The following PPARGC1A variants were observed in gnomAD, a reference collection of about 807,000 sequenced individuals.
The protein encoded by PPARGC1A is PPARG coactivator 1 alpha, also known as peroxisome proliferator-activated receptor gamma coactivator 1-alpha.
PPARGC1A carries 25 observed loss-of-function variants against 88.7 expected under a neutral mutation model. The observed-to-expected ratio is 0.28, with a 90% CI of 0.21 to 0.39. PPARGC1A has a LOEUF of 0.39. Among genes scored for constraint, PPARGC1A ranks in the 10% least tolerant of loss-of-function variants. The probability of loss-of-function intolerance (pLI) is 1.00; values close to 1 mark genes in which losing one functional copy is unlikely to be tolerated. For synonymous variants in PPARGC1A, 363 were observed against 355.6 expected, an observed-to-expected ratio of 1.02 and a Z score of -0.24; for missense variants, 880 against 968.7, an observed-to-expected ratio of 0.91 and a Z score of 1.22.
the PPARGC1A span, among the ~76,000 whole-genome samples, chr4:23,955,620 A>G: frequency 6.6e-6 from 1 of 152,104 alleles, no homozygotes; most frequent in Non-Finnish European, 1.5e-5. Context: ...AAGCAAAAAA[A>G]CTTGGGCTAT....
chr4:24,384,525 G>A, the PPARGC1A span, among the ~76,000 whole-genome samples: 36 of 146,506 alleles, frequency 2.5e-4, no homozygotes, highest in Non-Finnish European at 4.0e-4. Flanking sequence ...CAAAATAAAC[G>A]GATGGAGGAA....
chr4:23,947,351 T>TGAGA, the PPARGC1A span, among the ~76,000 whole-genome samples: 1 of 80,160 alleles, frequency 1.2e-5, no homozygotes, highest in Admixed American at 1.5e-4. Context: ...TGTTATATAG[T>TGAGA]GATATATATA....
the PPARGC1A span, among the ~76,000 whole-genome samples, chr4:24,070,257 T>C: frequency 1.3e-5 from 2 of 152,180 alleles, no homozygotes; most frequent in African/African-American, 4.8e-5. Context: ...AGTGGAGTCC[T>C]TCTGACATAT....
At chr4:24,087,944 C>T in the PPARGC1A span, among the ~76,000 whole-genome samples, 3 of 152,146 alleles carry the variant, frequency 2.0e-5, no homozygotes, top group African/African-American at 7.2e-5. Flanking sequence ...TTGCCCAACT[C>T]TTGACTTATT....
the PPARGC1A span, among the ~76,000 whole-genome samples, chr4:24,094,932 C>CTCTAAGT: frequency 6.6e-6 from 1 of 152,096 alleles, no homozygotes; most frequent in South Asian, 2.1e-4. Flanking sequence ...ATTTCAAGAA[C>CTCTAAGT]TCTAAGTCTT....
the PPARGC1A span, among the ~76,000 whole-genome samples, chr4:24,135,865 G>A: frequency 3.9e-5 from 6 of 152,142 alleles, no homozygotes; most frequent in African/African-American, 1.2e-4. Context: ...GCTTCTTCAT[G>A]CATCGCTATC....
chr4:24,190,365 A>T, the PPARGC1A span, among the ~76,000 whole-genome samples: 1 of 152,050 alleles, frequency 6.6e-6, no homozygotes, highest in Non-Finnish European at 1.5e-5. Context: ...AATACAAAAA[A>T]TTAGCCAGGC....
upstream of PPARGC1A, among the ~76,000 whole-genome samples, chr4:23,894,998 T>C (rs1718358243): frequency 6.6e-6 from 1 of 152,052 alleles, no homozygotes; most frequent in African/African-American, 2.4e-5. Flanking sequence ...GAACAAGGCA[T>C]ATTACATATT....
the PPARGC1A span, among the ~76,000 whole-genome samples, chr4:24,311,095 T>C: frequency 9.4e-6 from 1 of 105,976 alleles, no homozygotes; most frequent in Non-Finnish European, 1.9e-5. Flanking sequence ...TCTTTTTTTT[T>C]TTTTTTTTTT....
intron 2 of PPARGC1A, among the ~76,000 whole-genome samples, chr4:23,849,646 AGAACC>A (rs1560440022): frequency 1.3e-5 from 2 of 152,216 alleles, no homozygotes; most frequent in African/African-American, 4.8e-5. Context: ...TAGAGAGAAT[AGAACC>A]TTTAGTAAAT....
At chr4:24,358,869 T>A in the PPARGC1A span, among the ~76,000 whole-genome samples, 2 of 152,224 alleles carry the variant, frequency 1.3e-5, no homozygotes, top group Non-Finnish European at 2.9e-5. Flanking sequence ...AGGTAGGTTG[T>A]GTGAAGAAGC....
At chr4:24,369,480 A>G in the PPARGC1A span, among the ~76,000 whole-genome samples, 3 of 152,272 alleles carry the variant, frequency 2.0e-5, no homozygotes, top group Admixed American at 6.5e-5. Context: ...TCCAATCACT[A>G]TCTCATTTGT....
At chr4:23,920,883 C>T in the PPARGC1A span, among the ~76,000 whole-genome samples, 375 of 152,276 alleles carry the variant, frequency 2.5e-3, 1 homozygote, top group African/African-American at 8.3e-3. Context: ...AGTTCAGCCA[C>T]GGGGAGCCTG....
the PPARGC1A span, among the ~76,000 whole-genome samples, chr4:24,281,215 G>A: frequency 9.9e-5 from 15 of 152,154 alleles, no homozygotes; most frequent in East Asian, 1.9e-4. Context: ...ACAGCTACCC[G>A]TCTTAGTCTG....
chr4:24,124,845 G>C, the PPARGC1A span, among the ~76,000 whole-genome samples: 1 of 152,084 alleles, frequency 6.6e-6, no homozygotes, highest in Non-Finnish European at 1.5e-5. Flanking sequence ...TTTTATTCTT[G>C]TTTTGTATTC....
the PPARGC1A span, among the ~76,000 whole-genome samples, chr4:23,923,116 GTTTT>G: frequency 3.0e-5 from 4 of 131,686 alleles, no homozygotes; most frequent in African/African-American, 5.7e-5. Flanking sequence ...TTTGTTGCTT[GTTTT>G]TTTTTTTTTT....
the PPARGC1A span, among the ~76,000 whole-genome samples, chr4:24,399,414 T>C: frequency 2.0e-5 from 3 of 152,212 alleles, no homozygotes; most frequent in African/African-American, 7.2e-5. Flanking sequence ...TGGGAGAAAT[T>C]TCACCTATTA....
chr4:24,041,892 G>T, the PPARGC1A span, among the ~76,000 whole-genome samples: 1 of 150,890 alleles, frequency 6.6e-6, no homozygotes, highest in Non-Finnish European at 1.5e-5. Context: ...GAGATATGAG[G>T]TTATCAGAAG....
At chr4:24,197,330 T>G in the PPARGC1A span, among the ~76,000 whole-genome samples, 1 of 152,348 alleles carries the variant, frequency 6.6e-6, no homozygotes, top group Admixed American at 6.5e-5. Context: ...TTTCCAGCTA[T>G]GCCAGTGATG....
Sources: gnomAD v4.1 joint callset for allele counts (sites outside exome capture counted in the v4.1 genomes callset) on GRCh38, gnomAD v4.1.1 for gene constraint, MANE v1.5 for transcripts, NCBI Gene and HGNC (gene_info 2026-07-23, HGNC 2026-07-21) for gene names.